The following ESRRA variants were observed in gnomAD, a reference collection of about 807,000 sequenced individuals.
ESRRA encodes the protein estrogen related receptor alpha, also known as steroid hormone receptor ERR1.
In ESRRA, 7 loss-of-function variants were observed where a neutral mutation model predicts 35.6. The observed-to-expected ratio is 0.20, with a 90% CI of 0.11 to 0.37. ESRRA has a LOEUF of 0.37. ESRRA is among the 10% of genes least tolerant of loss of function. ESRRA has a pLI of 1.00. For synonymous variants in ESRRA, 223 were observed against 246.9 expected (o/e 0.90, Z 0.91); for missense variants, 378 against 561.7 (o/e 0.67, Z 3.31).
rs943576992 is a variant in ESRRA at position 64,313,534 on chromosome 11, C to T, written c.326-417C>T. On this transcript the variant is annotated intron_variant, in intron 2 of 6. Transcript: ENST00000000442. This position sits in a 1 kb window ranked among gnomAD's most constrained non-coding sequence, Gnocchi z 4.0. ...GGTGGGAGGAAAACCAGAGTGTATG[C>T]TGTCCTAGAAGCAAAAGAAGAAAGT... Among the ~76,000 whole-genome samples, 44 of 152,174 alleles carry T rather than the reference C, an allele frequency of 2.9e-4. No individual in the cohort carries two copies. The highest frequency in any genetic ancestry group is 1.0e-3 in the African/African-American group (42 of 41,426).
In ESRRA at chr11:64,307,283, T is replaced by C; in HGVS notation, c.104T>C (p.Val35Ala). 6.2e-7 allele frequency: 1 copy of C among 1,613,456 alleles called. No homozygotes were observed. Among genetic ancestry groups the C allele is most frequent in the Non-Finnish European group, 8.5e-7 (1 of 1,179,874 alleles). ...TCGGAGACAGAGACCGAGCCTCCTG[T>C]GGCCCTGGCCCCTGGTCCAGCTCCC... ...GSSETETEPP[V>A]ALAPGPAPTR... The change falls in exon 2 of 7, where the codon GTG becomes GCG. Residue 35 changes from valine to alanine, a missense_variant. Transcript: ENST00000000442.
intron 2 of ESRRA, among the ~76,000 whole-genome samples, chr11:64,312,450 G>C (rs1483605610): frequency 6.6e-6 from 1 of 152,188 alleles, no homozygotes; most frequent in African/African-American, 2.4e-5. Flanking sequence ...GTGGTGTCTT[G>C]AGCTGAGTGC....
intron 2 of ESRRA, among the ~76,000 whole-genome samples, chr11:64,308,834 G>T (rs1270452802): frequency 6.8e-6 from 1 of 146,272 alleles, no homozygotes; most frequent in African/African-American, 2.5e-5. Flanking sequence ...AAAAAAAAAG[G>T]CTGGGCGCGG....
chr11:64,314,655 CAG>C (rs2035205785), intron 4 of ESRRA, 84 bp from the exon 5 acceptor site: 1 of 1,375,066 alleles, frequency 7.3e-7, no homozygotes, highest in Non-Finnish European at 9.9e-7. Flanking sequence ...AGGAAGGCCA[CAG>C]GGGGAGCCAC....
intron 4 of ESRRA, 112 bp from the exon 5 acceptor site, chr11:64,314,629 T>G (rs2035205220): frequency 3.6e-6 from 4 of 1,122,370 alleles, no homozygotes; most frequent in Non-Finnish European, 5.0e-6. Flanking sequence ...GGGAAGTCAC[T>G]GGACAGCTGC....
intron 2 of ESRRA, among the ~76,000 whole-genome samples, chr11:64,310,545 T>G (rs1211806917): frequency 2.9e-5 from 4 of 135,784 alleles, no homozygotes; most frequent in African/African-American, 6.3e-5. Flanking sequence ...GGTTTTTTTT[T>G]TTTTTTTTTT....
rs374554380 is a variant in ESRRA, at chr11:64,307,329, C to T, written c.150C>T (p.His50=). ...CTCCCACTCGCTGCCTCCCAGGCCACAAGGAAGAGGAGGATGGGGAGGGGG... is the reference window on the plus strand; with the variant it reads ...CTCCCACTCGCTGCCTCCCAGGCCATAAGGAAGAGGAGGATGGGGAGGGGG... The part of the protein sequence containing the change: ...GPAPTRCLPG[H]KEEEDGEGAG... Residue 50 remains histidine (H), a synonymous_variant, in exon 2 of 7, where the codon CAC becomes CAT. Coordinates refer to ENST00000000442, the MANE Select transcript of ESRRA (RefSeq NM_004451.5). 36 of 1,612,896 alleles carry T rather than the reference C, an allele frequency of 2.2e-5. No homozygotes were observed. In the African/African-American group the frequency reaches 4.7e-4, roughly 21 times the overall value.
chr11:64,307,856 G>A (rs2035065544), intron 2 of ESRRA, among the ~76,000 whole-genome samples: 1 of 151,630 alleles, frequency 6.6e-6, no homozygotes, highest in Non-Finnish European at 1.5e-5. Context: ...TCCCCTTTTT[G>A]TTAATTTTCC....
rs1042054297 is a variant in ESRRA at position 64,316,045 on chromosome 11, G to A, written c.*79G>A. ...AGCCCCAAGGGCTGGGGCGGAGCTG[G>A]GGTCTGGGCAGTGCCACAGCCTGCT... On this transcript the variant is annotated 3_prime_UTR_variant, in exon 7 of 7. Coordinates refer to ENST00000000442, the MANE Select transcript of ESRRA (RefSeq NM_004451.5). 5 of 1,482,110 alleles carry A rather than the reference G, an allele frequency of 3.4e-6. No homozygotes were observed. The Admixed American group carries it at 6.8e-5, about 20-fold the overall frequency. The allele number at this position is 1,482,110 out of a possible 1,614,324, so 91.8% of individuals were successfully genotyped here.
At position 64,314,964 on chromosome 11, in the gene ESRRA, G is replaced by A. The variant is rs200961462; in HGVS notation, c.743-37G>A. ...CCCTGAACGGGCCCGGCTCTGGTGC[G>A]CTTGCTCAGCCAGGCCCGCTCCCCG... On this transcript the variant is annotated intron_variant, in intron 5 of 6. Transcript: ENST00000000442. 112 of 1,598,594 alleles carry A rather than the reference G, an allele frequency of 7.0e-5. 1 individual carries two copies. In the South Asian group the frequency reaches 1.0e-3, roughly 14 times the overall value.
Position 64,316,587 on chromosome 11 carries a change from G to C in ESRRA, c.*621G>C, listed in dbSNP as rs1277175724. 7.8e-5 allele frequency: 32 copies of C among 407,688 alleles called. No individual in the cohort carries two copies. The East Asian group carries it at 1.5e-3, about 19-fold the overall frequency. The allele number at this position is 407,688 out of a possible 1,614,324, so 25.3% of individuals were successfully genotyped here. A position where few individuals can be genotyped will look rare whatever the true frequency, so the allele number is the denominator to read the frequency against. The stretch of plus-strand genomic sequence containing the variant: ...AGCAATAACACTATATTTATTTTTG[G>C]GTTTGGCCAGGGAGGCGCAGGGACA... On this transcript the variant is annotated 3_prime_UTR_variant, in exon 7 of 7. Transcript: ENST00000000442.
chr11:64,306,697 G>A (rs2035040454), intron 1 of ESRRA: 1 of 153,824 alleles, frequency 6.5e-6, no homozygotes, highest in Admixed American at 6.5e-5. Flanking sequence ...GCACCCCGGT[G>A]AGTGGAGTGT....
chr11:64,313,923 C>A lies in ESRRA; in HGVS notation c.326-28C>A, dbSNP rs777166129. ...GTCCCCTCCCAGCCCCGGGAGGCCG[C>A]CACTGGAGCCCTGCCTCTTCCTGGC... is the stretch of plus-strand genomic sequence containing the variant. On this transcript the variant is annotated intron_variant, in intron 2 of 6. Coordinates refer to ENST00000000442, the MANE Select transcript of ESRRA (RefSeq NM_004451.5). The surrounding 1 kb of genome is among the most constrained non-coding windows in gnomAD (Gnocchi z 4.0). 6.7e-7 allele frequency: 1 copy of A among 1,502,934 alleles called. No individual in the cohort carries two copies. Among genetic ancestry groups the A allele is most frequent in the African/African-American group, 1.4e-5 (1 of 72,356 alleles). The allele number at this position is 1,502,934 out of a possible 1,614,324, so 93.1% of individuals were successfully genotyped here. A position where few individuals can be genotyped will look rare whatever the true frequency, so the allele number is the denominator to read the frequency against.
At position 64,315,023 on chromosome 11, in the gene ESRRA, T is replaced by C; in HGVS notation, c.765T>C (p.Ser255=). The part of the protein sequence containing the change: ...SIPGFSSLSL[S]DQMSVLQSVW... ...TAGGCTTCTCATCGCTGTCGCTGTC[T>C]GACCAGATGTCAGTACTGCAGAGCG... is the stretch of plus-strand genomic sequence containing the variant. Residue 255 remains serine, a synonymous_variant, in exon 6 of 7, where the codon TCT becomes TCC. Coordinates refer to ENST00000000442, the MANE Select transcript of ESRRA (RefSeq NM_004451.5). 6.2e-7 allele frequency: 1 copy of C among 1,600,896 alleles called. No homozygotes were observed. The highest frequency in any genetic ancestry group is 8.5e-7 in the Non-Finnish European group (1 of 1,173,758).
chr11:64,314,100 G>T, intron 3 of ESRRA, 33 bp downstream of exon 3: 1 of 1,560,350 alleles, frequency 6.4e-7, no homozygotes, highest in Non-Finnish European at 8.7e-7. Context: ...GCGAGGGCTG[G>T]GGGAGTCGGG....
At position 64,315,725 on chromosome 11, in the gene ESRRA, A is replaced by G. The variant is rs2035239036; in HGVS notation, c.1031A>G (p.Asp344Gly). The G allele has an allele frequency of 6.2e-7, 1 of 1,613,950 alleles. No homozygotes were observed. The highest frequency in any genetic ancestry group is 8.5e-7 in the Non-Finnish European group (1 of 1,179,818). ...LANSDSVHIE[D>G]AEAVEQLREA... Reference sequence around the variant, plus strand: ...CTTGCAGACTCTGTGCACATCGAAGATGCCGAGGCTGTGGAGCAGCTGCGA... The same window carrying G: ...CTTGCAGACTCTGTGCACATCGAAGGTGCCGAGGCTGTGGAGCAGCTGCGA... Residue 344 changes from aspartate to glycine, a missense_variant, in exon 7 of 7, where the codon GAT (aspartate) becomes GGT (glycine). By Grantham distance (94) the Asp-to-Gly change is moderately conservative (BLOSUM62 -1). This residue lies in a region of ESRRA where 284 missense variants were observed against 411.7 expected (regional missense o/e 0.69). Coordinates refer to ENST00000000442, the MANE Select transcript of ESRRA (RefSeq NM_004451.5).
chr11:64,312,025 C>A (rs1565376375), intron 2 of ESRRA, among the ~76,000 whole-genome samples: 1 of 123,560 alleles, frequency 8.1e-6, no homozygotes, highest in Non-Finnish European at 1.6e-5. Context: ...GTTGCCCAGG[C>A]TGGAGTGCAA....
At chr11:64,311,690 G>A (rs1484086985) in intron 2 of ESRRA, among the ~76,000 whole-genome samples, 3 of 138,360 alleles carry the variant, frequency 2.2e-5, no homozygotes, top group East Asian at 2.2e-4. Context: ...CTGGGATTAC[G>A]CTCCCGGCCT....
At chr11:64,309,504 A>G (rs908530889) in intron 2 of ESRRA, among the ~76,000 whole-genome samples, 1 of 151,684 alleles carries the variant, frequency 6.6e-6, no homozygotes, top group Non-Finnish European at 1.5e-5. Context: ...CTCACTCAGG[A>G]AAGCTTATCA....
Sources: allele counts gnomAD v4.1 joint callset (sites outside exome capture counted in the v4.1 genomes callset), GRCh38; gene constraint gnomAD v4.1.1; regional missense constraint gnomAD v4.1.1; non-coding constraint Gnocchi (gnomAD v3.1); transcripts MANE v1.5; gene names NCBI Gene and HGNC (gene_info 2026-07-23, HGNC 2026-07-21).